NBPF14: variants seen among roughly 807,000 people sequenced by gnomAD.
NBPF14 encodes the protein NBPF member 14.
In NBPF14, 104 loss-of-function variants were observed where a neutral mutation model predicts 91.2. The observed-to-expected ratio is 1.14, with a 90% CI of 0.97 to 1.34. NBPF14 has a LOEUF of 1.34. Among genes scored for constraint, NBPF14 ranks in the 40% most tolerant of loss-of-function variants. The probability of loss-of-function intolerance (pLI) is 0.00; values close to 1 mark genes in which losing one functional copy is unlikely to be tolerated. For synonymous variants in NBPF14, 294 were observed against 303.8 expected (o/e 0.97, Z 0.34); for missense variants, 908 against 783.0 (o/e 1.16, Z -1.91).
chr1:148,576,335 C>T (rs1659724445), intron 16 of NBPF14, 75 bp downstream of exon 16: 1 of 439,796 alleles, frequency 2.3e-6, no homozygotes, highest in Admixed American at 3.8e-5. Context: ...AAATTGAACA[C>T]ACTCTTGTTT....
intron 10 of NBPF14, 123 bp downstream of exon 10, chr1:148,585,018 T>G: frequency 2.5e-6 from 2 of 808,222 alleles, no homozygotes; most frequent in Non-Finnish European, 4.3e-6. Flanking sequence ...TGGATTATAT[T>G]TCACATACTG....
intron 37 of NBPF14, among the ~76,000 whole-genome samples, chr1:148,559,317 G>C (rs1228591663): frequency 8.0e-6 from 1 of 124,350 alleles, no homozygotes; most frequent in Non-Finnish European, 1.5e-5. Context: ...TTTGTCCCAA[G>C]TTTGTGCAAA....
rs1183759082 is a variant in NBPF14 at position 148,559,678 on chromosome 1, G to T, written c.4729+115C>A. ...TTCATTCAACCTACATGTGCCTATA[G>T]GTCCTCCCTGTGGCAATGACATCTC... On this transcript the variant is annotated intron_variant, in intron 37 of 70. Transcript: ENST00000619423. 28 of 658,640 alleles carry T rather than the reference G, an allele frequency of 4.3e-5. 1 individual carries two copies. The highest frequency in any genetic ancestry group is 4.2e-4 in the Middle Eastern group (1 of 2,402). The allele number at this position is 658,640 out of a possible 1,614,324, so 40.8% of individuals were successfully genotyped here. A position where few individuals can be genotyped will look rare whatever the true frequency, so the allele number is the denominator to read the frequency against.
intron 2 of NBPF14, among the ~76,000 whole-genome samples, chr1:148,595,065 A>G (rs1337916531): frequency 2.9e-5 from 4 of 139,788 alleles, no homozygotes; most frequent in African/African-American, 8.0e-5. Flanking sequence ...CTCCCCTTGA[A>G]GCCCCTCAGA....
intron 70 of NBPF14, 31 bp downstream of exon 70, chr1:148,533,830 G>A (rs1346512128): frequency 4.0e-5 from 31 of 767,192 alleles, no homozygotes; most frequent in Non-Finnish European, 6.2e-5. Flanking sequence ...AGTTAACACA[G>A]AACTAAGGAT....
At chr1:148,559,310 G>C (rs1203478807) in intron 37 of NBPF14, among the ~76,000 whole-genome samples, 3 of 122,528 alleles carry the variant, frequency 2.4e-5, no homozygotes, top group African/African-American at 8.7e-5. Flanking sequence ...AATATCATTT[G>C]TCCCAAGTTT....
intron 36 of NBPF14, among the ~76,000 whole-genome samples, chr1:148,560,193 C>A (rs1432550375): frequency 6.6e-6 from 1 of 151,174 alleles, no homozygotes; most frequent in Non-Finnish European, 1.5e-5. Context: ...GAGACAGAGA[C>A]AGAGAGAAAG....
chr1:148,559,484 C>G (rs1182887946), intron 37 of NBPF14, among the ~76,000 whole-genome samples: 2 of 128,282 alleles, frequency 1.6e-5, no homozygotes, highest in Admixed American at 7.6e-5. Flanking sequence ...ATGAAATCTA[C>G]AAGATCTACA....
In NBPF14 at chr1:148,588,596, C is replaced by G. The variant is rs1193578924; in HGVS notation, c.988+588G>C. Among the ~76,000 whole-genome samples the G allele has an allele frequency of 2.0e-5, 3 of 152,214 alleles. No individual in the cohort carries two copies. The South Asian group carries it at 6.2e-4, about 32-fold the overall frequency. Reference sequence around the variant, plus strand: ...TCATCATCTGCCCGCCTCAGCCTCCCAAAGTGCTGGGATTACAGGAGTGAG... The same window carrying G: ...TCATCATCTGCCCGCCTCAGCCTCCGAAAGTGCTGGGATTACAGGAGTGAG... On this transcript the variant is annotated intron_variant, in intron 7 of 70. Transcript: ENST00000619423.
Position 148,578,900 on chromosome 1 carries a change from C to T in NBPF14, c.1801+174G>A, listed in dbSNP as rs1456217694. ...AAGAGAGTAAAGCTCACTGACCCAC[C>T]CCATGCCTGTGCTTCAGACTTGACT... On this transcript the variant is annotated intron_variant, in intron 13 of 70. Transcript: ENST00000619423. 6.1e-5 allele frequency among the ~76,000 whole-genome samples: 9 copies of T among 148,190 alleles called. 1 individual carries two copies. The highest frequency in any genetic ancestry group is 2.0e-4 in the East Asian group (1 of 5,012).
chr1:148,571,246 C>CAG (rs1344395701), intron 22 of NBPF14, among the ~76,000 whole-genome samples: 3 of 85,634 alleles, frequency 3.5e-5, no homozygotes, highest in African/African-American at 7.9e-5. Context: ...CACACACACA[C>CAG]ACACACACAC....
intron 47 of NBPF14, among the ~76,000 whole-genome samples, chr1:148,551,764 G>A (rs1200091746): frequency 5.2e-5 from 1 of 19,076 alleles, no homozygotes; most frequent in East Asian, 1.6e-3. Flanking sequence ...CCACAGGTAT[G>A]GCCTGAGACT....
intron 2 of NBPF14, among the ~76,000 whole-genome samples, chr1:148,595,194 C>T (rs1571075208): frequency 6.8e-6 from 1 of 147,224 alleles, no homozygotes; most frequent in East Asian, 1.9e-4. Context: ...ACATTTAGAA[C>T]AACAGACTAG....
chr1:148,559,853 A>G (rs1657398886), exon 37 of NBPF14: 1 of 1,520,258 alleles, frequency 6.6e-7, no homozygotes, highest in Non-Finnish European at 8.8e-7. Context: ...GCACTTCTAT[A>G]GGGCTGGCAT....
Position 148,591,262 on chromosome 1 carries a change from T to C in NBPF14, c.566+170A>G, listed in dbSNP as rs1483157390. ...GTACAGACATGACACTTGGCACACA[T>C]AGAGAAACACGACAGCTGCCGCACC... On this transcript the variant is annotated intron_variant, in intron 5 of 70. Coordinates refer to ENST00000619423, the Ensembl canonical transcript of NBPF14. Among the ~76,000 whole-genome samples, 2 of 148,600 alleles carry C rather than the reference T, an allele frequency of 1.3e-5. 1 individual carries two copies. Among genetic ancestry groups the C allele is most frequent in the Non-Finnish European group, 3.0e-5 (2 of 66,268 alleles).
At chr1:148,588,765 G>C (rs1446167458) in intron 7 of NBPF14, among the ~76,000 whole-genome samples, 13 of 151,550 alleles carry the variant, frequency 8.6e-5, no homozygotes, top group African/African-American at 2.2e-4. Context: ...CACTAGAACA[G>C]AGCTTTGCCT....
At chr1:148,533,872 T>C (rs1654310326) in exon 70 of NBPF14, 4 of 763,846 alleles carry the variant, frequency 5.2e-6, no homozygotes, top group Non-Finnish European at 9.6e-6. Flanking sequence ...TGGGGCATGG[T>C]GGGTTTTGAT....
At chr1:148,585,318 GT>G in intron 9 of NBPF14, 105 bp from the exon 10 acceptor site, 1 of 652,652 alleles carries the variant, frequency 1.5e-6, no homozygotes, top group Non-Finnish European at 2.7e-6. Context: ...ATGGGTCACC[GT>G]TCAACTGAAA....
At chr1:148,581,572 C>G (rs1389192819) in intron 12 of NBPF14, among the ~76,000 whole-genome samples, 7 of 151,558 alleles carry the variant, frequency 4.6e-5, no homozygotes, top group South Asian at 2.1e-4. Flanking sequence ...TCCAGCCAAA[C>G]AAAGCTTCAT....
Sources: allele counts gnomAD v4.1 joint callset (sites outside exome capture counted in the v4.1 genomes callset), GRCh38; gene constraint gnomAD v4.1.1; transcripts MANE v1.5; gene names NCBI Gene and HGNC (gene_info 2026-07-23, HGNC 2026-07-21).